The following PDE7B variants were observed in gnomAD, a reference collection of about 807,000 sequenced individuals.
The protein encoded by PDE7B is phosphodiesterase 7B.
A neutral mutation model predicts 56.2 loss-of-function variants in PDE7B; 29 were observed. That is an observed-to-expected ratio of 0.52 (90% CI 0.38 to 0.70). PDE7B has a LOEUF of 0.70. PDE7B is among the 30% of genes least tolerant of loss of function. The pLI is 0.00. For missense variants in PDE7B, 490 were observed against 565.0 expected, an observed-to-expected ratio of 0.87 and a Z score of 1.35; for synonymous variants, 197 against 196.9, an observed-to-expected ratio of 1.00 and a Z score of 0.00.
At chr6:136,129,197 AT>A (rs1252041624) in intron 3 of PDE7B, among the ~76,000 whole-genome samples, 2 of 152,196 alleles carry the variant, frequency 1.3e-5, no homozygotes, top group Non-Finnish European at 2.9e-5. Flanking sequence ...TAGGCCAAGT[AT>A]CCTTTTCTCA....
intron 1 of PDE7B, among the ~76,000 whole-genome samples, chr6:135,905,701 A>C (rs918278436): frequency 1.3e-5 from 2 of 152,246 alleles, no homozygotes; most frequent in Admixed American, 6.5e-5. Flanking sequence ...CCGTCTTGCC[A>C]TGTTTCTCTT....
At chr6:136,137,470 C>A (rs1449632140) in intron 3 of PDE7B, among the ~76,000 whole-genome samples, 3 of 152,100 alleles carry the variant, frequency 2.0e-5, no homozygotes, top group South Asian at 2.1e-4. Flanking sequence ...GCTTAACAGT[C>A]AGCTCTGCTC....
At chr6:136,015,189 G>A (rs964286916) in intron 2 of PDE7B, among the ~76,000 whole-genome samples, 1 of 152,196 alleles carries the variant, frequency 6.6e-6, no homozygotes, top group African/African-American at 2.4e-5. Flanking sequence ...AATGAAGCCT[G>A]CTGGGAGTCA....
chr6:135,885,917 A>G (rs941433183), intron 1 of PDE7B, among the ~76,000 whole-genome samples: 8 of 152,214 alleles, frequency 5.3e-5, no homozygotes, highest in African/African-American at 1.9e-4. Flanking sequence ...ACAGGCATGC[A>G]GGCACATTTT....
At position 135,852,027 on chromosome 6, in the gene PDE7B, C is replaced by G; in HGVS notation, c.21+8C>G. 1 of 1,600,310 alleles carries G rather than the reference C, an allele frequency of 6.2e-7. No individual in the cohort carries two copies. Among genetic ancestry groups the G allele is most frequent in the Non-Finnish European group, 8.6e-7 (1 of 1,167,800 alleles). On this transcript the variant is annotated splice_region_variant and intron_variant, in intron 1 of 12. Transcript: ENST00000308191. ...TCTTGTTTAATGGTTGAGGTATGTA[C>G]AACAAATTTAAGCGGCAAGCTCAGT...
At chr6:135,984,251 CG>C (rs1775342632) in intron 2 of PDE7B, among the ~76,000 whole-genome samples, 1 of 152,126 alleles carries the variant, frequency 6.6e-6, no homozygotes, top group Admixed American at 6.6e-5. Context: ...AGTTATTCAT[CG>C]GAAGACCTGA....
intron 8 of PDE7B, among the ~76,000 whole-genome samples, chr6:136,161,477 G>A (rs931245789): frequency 2.0e-5 from 3 of 152,170 alleles, no homozygotes; most frequent in Non-Finnish European, 4.4e-5. Context: ...TGCAGAAGGA[G>A]TAGCAATGAT....
chr6:136,166,625 C>A (rs146913139), intron 8 of PDE7B, among the ~76,000 whole-genome samples: 1 of 152,046 alleles, frequency 6.6e-6, no homozygotes, highest in Non-Finnish European at 1.5e-5. Flanking sequence ...GAACTCACTA[C>A]CACAAGAACA....
At chr6:136,021,317 C>T (rs1314431348) in intron 2 of PDE7B, among the ~76,000 whole-genome samples, 5 of 152,264 alleles carry the variant, frequency 3.3e-5, no homozygotes, top group East Asian at 1.9e-4. Context: ...CTTCACATGC[C>T]GATCCATGTG....
intron 2 of PDE7B, among the ~76,000 whole-genome samples, chr6:136,039,168 G>A (rs531576646): frequency 6.6e-6 from 1 of 152,186 alleles, no homozygotes; most frequent in Non-Finnish European, 1.5e-5. Flanking sequence ...TCATAAGAAT[G>A]TGCTGTGTTT....
At chr6:135,938,926 T>C (rs1417913023) in intron 1 of PDE7B, among the ~76,000 whole-genome samples, 2 of 152,022 alleles carry the variant, frequency 1.3e-5, no homozygotes, top group Non-Finnish European at 2.9e-5. Context: ...GTTTTCCAAG[T>C]TTTGGTTCAT....
intron 1 of PDE7B, among the ~76,000 whole-genome samples, chr6:135,937,646 A>C (rs1200746951): frequency 6.6e-6 from 1 of 152,182 alleles, no homozygotes; most frequent in Non-Finnish European, 1.5e-5. Flanking sequence ...AGTTTGGCTG[A>C]TCACCTAGAA....
chr6:136,131,442 G>C (rs1043515879), intron 3 of PDE7B, among the ~76,000 whole-genome samples: 1 of 150,368 alleles, frequency 6.7e-6, no homozygotes, highest in African/African-American at 2.5e-5. Flanking sequence ...ATAAGGCTTG[G>C]CTCCAAAGGG....
Position 135,944,212 on chromosome 6 carries a change from C to T in PDE7B, c.22-3252C>T, listed in dbSNP as rs531846888. Among the ~76,000 whole-genome samples, 105 of 152,162 alleles carry T rather than the reference C, an allele frequency of 6.9e-4. No individual in the cohort carries two copies. The South Asian group carries it at 0.02, about 29-fold the overall frequency. ...ATAGAAGGAGGAGGGTTGCAGCACC[C>T]GATAATCCAGCAGGGCACAAGACGT... On this transcript the variant is annotated intron_variant, in intron 1 of 12. Transcript: ENST00000308191.
intron 2 of PDE7B, among the ~76,000 whole-genome samples, chr6:136,101,603 A>G (rs933819814): frequency 1.9e-4 from 29 of 152,066 alleles, no homozygotes; most frequent in African/African-American, 7.0e-4. Flanking sequence ...GTCTTCGCCT[A>G]CTTTTCAACA....
intron 1 of PDE7B, among the ~76,000 whole-genome samples, chr6:135,942,266 A>G (rs1774518704): frequency 6.6e-6 from 1 of 152,116 alleles, no homozygotes; most frequent in African/African-American, 2.4e-5. Flanking sequence ...TTTTGTGCAC[A>G]TTTTGCTAGA....
chr6:135,882,019 T>A (rs924379307), intron 1 of PDE7B, among the ~76,000 whole-genome samples: 1 of 152,226 alleles, frequency 6.6e-6, no homozygotes, highest in Non-Finnish European at 1.5e-5. Flanking sequence ...TGAAATTCTT[T>A]TGCCATATTT....
chr6:136,062,373 G>T (rs1444096737), intron 2 of PDE7B, among the ~76,000 whole-genome samples: 1 of 152,122 alleles, frequency 6.6e-6, no homozygotes, highest in Non-Finnish European at 1.5e-5. Flanking sequence ...GTGGTGGTGG[G>T]TGGTGGTAGG....
chr6:135,872,455 A>G (rs2128186981), intron 1 of PDE7B, among the ~76,000 whole-genome samples: 1 of 152,320 alleles, frequency 6.6e-6, no homozygotes, highest in African/African-American at 2.4e-5. Context: ...CATACAGAAA[A>G]GATATATTTG....
Sources: allele counts gnomAD v4.1 joint callset (sites outside exome capture counted in the v4.1 genomes callset), GRCh38; gene constraint gnomAD v4.1.1; transcripts MANE v1.5; gene names NCBI Gene and HGNC (gene_info 2026-07-23, HGNC 2026-07-21).